The following LPP variants were observed in gnomAD, a reference collection of about 807,000 sequenced individuals.
LPP encodes the protein LIM domain containing preferred translocation partner in lipoma, also known as lipoma-preferred partner.
In LPP, 38 loss-of-function variants were observed where a neutral mutation model predicts 60.4. The observed-to-expected ratio is 0.63, with a 90% CI of 0.49 to 0.83. The LOEUF is 0.83. LPP is among the 40% of genes least tolerant of loss of function. The probability of loss-of-function intolerance (pLI) is 0.00; values close to 1 mark genes in which losing one functional copy is unlikely to be tolerated. For missense variants in LPP, 902 were observed against 783.6 expected (o/e 1.15, Z -1.80); for synonymous variants, 328 against 290.8 (o/e 1.13, Z -1.30).
chr3:188,240,309 T>C (rs141226007), intron 2 of LPP: 4 of 167,514 alleles, frequency 2.4e-5, no homozygotes, highest in Middle Eastern at 5.2e-3. Context: ...AACAAGGTTG[T>C]TGACTGCATA....
At position 188,609,826 on chromosome 3, in the gene LPP, G is replaced by A. The variant is rs139912286; in HGVS notation, c.1095G>A (p.Ala365=). The A allele has an allele frequency of 1.8e-4, 291 of 1,610,980 alleles. No individual in the cohort carries two copies. Among genetic ancestry groups the A allele is most frequent in the African/African-American group, 5.6e-4 (42 of 74,774 alleles). Residue 365 remains alanine, a synonymous_variant, in exon 7 of 12, where the codon GCG becomes GCA. Coordinates refer to ENST00000617246, the MANE Select transcript of LPP (RefSeq NM_001375462.1). This position sits in a 1 kb window ranked among gnomAD's most constrained non-coding sequence, Gnocchi z 6.9. ...YITDPVSAPC[A]PPLQPKGGHS... is the part of the protein sequence containing the mutation. ...CAGATCCTGTTTCAGCCCCCTGTGC[G>A]CCACCATTGCAGCCAAAGGTAAGAA...
intron 8 of LPP, among the ~76,000 whole-genome samples, chr3:188,756,003 T>A (rs1730102461): frequency 6.6e-6 from 1 of 152,148 alleles, no homozygotes; most frequent in African/African-American, 2.4e-5. Flanking sequence ...AGCTCCATTA[T>A]TAAGACTTCT....
intron 5 of LPP, among the ~76,000 whole-genome samples, chr3:188,511,151 GCCTC>G (rs1038728883): frequency 1.2e-4 from 12 of 99,762 alleles, no homozygotes; most frequent in South Asian, 4.1e-4. Context: ...CTTCCTACCT[GCCTC>G]CCTCCCTCCC....
chr3:188,387,647 A>G (rs958147208), intron 3 of LPP, among the ~76,000 whole-genome samples: 1 of 150,294 alleles, frequency 6.7e-6, no homozygotes, highest in East Asian at 2.0e-4. Flanking sequence ...GCTCACTGCA[A>G]CCTCCGCCTC....
intron 9 of LPP, among the ~76,000 whole-genome samples, chr3:188,834,184 T>C (rs1310462088): frequency 6.6e-6 from 1 of 152,190 alleles, no homozygotes; most frequent in Non-Finnish European, 1.5e-5. Flanking sequence ...TCTATTCTCC[T>C]GCCAGCATGA....
In LPP at chr3:188,247,777, C is replaced by T. The variant is rs545510240; in HGVS notation, c.-67+22250C>T. On this transcript the variant is annotated intron_variant, in intron 2 of 11. Coordinates refer to ENST00000617246, the MANE Select transcript of LPP (RefSeq NM_001375462.1). ...TTGCGCCATTGCACTCCAGGCTGGG[C>T]GACAGAGTGAGACTCCATCTCAGAA... Among the ~76,000 whole-genome samples the T allele has an allele frequency of 2.7e-4, 39 of 142,352 alleles. No homozygotes were observed. In the South Asian group the frequency reaches 6.8e-3, roughly 25 times the overall value. 93.4% of individuals were successfully genotyped at this position (142,352 alleles called of 152,430 possible). A position where few individuals can be genotyped will look rare whatever the true frequency, so the allele number is the denominator to read the frequency against.
At chr3:188,749,888 G>A (rs930317704) in intron 8 of LPP, among the ~76,000 whole-genome samples, 6 of 152,186 alleles carry the variant, frequency 3.9e-5, no homozygotes, top group Non-Finnish European at 4.4e-5. Flanking sequence ...GGCAGGTACT[G>A]TATGGACAAA....
chr3:188,401,748 G>T (rs1782293208), intron 3 of LPP, among the ~76,000 whole-genome samples: 1 of 152,188 alleles, frequency 6.6e-6, no homozygotes. Context: ...GGATTTGCGA[G>T]TTTAGTTTGG....
chr3:188,760,408 G>GT (rs1731805441), intron 9 of LPP, 126 bp downstream of exon 9: 14 of 742,216 alleles, frequency 1.9e-5, no homozygotes, highest in South Asian at 3.3e-5. Context: ...TGTGTGTGTG[G>GT]GGTGTGTGTG....
At chr3:188,412,608 T>G (rs903719188) in intron 4 of LPP, among the ~76,000 whole-genome samples, 1 of 152,196 alleles carries the variant, frequency 6.6e-6, no homozygotes, top group Non-Finnish European at 1.5e-5. Context: ...CTTACGAATT[T>G]TAAATGCTTT....
intron 5 of LPP, among the ~76,000 whole-genome samples, chr3:188,512,732 G>C (rs1234244773): frequency 6.6e-6 from 1 of 151,918 alleles, no homozygotes; most frequent in African/African-American, 2.4e-5. Flanking sequence ...GGTCAAACAA[G>C]AGTTCAAGAA....
chr3:188,843,204 C>T (rs879890655), intron 9 of LPP, among the ~76,000 whole-genome samples: 1 of 152,112 alleles, frequency 6.6e-6, no homozygotes. Context: ...GTTCTAAGGG[C>T]CTCAGGGTAT....
At chr3:188,666,275 A>G (rs1855781054) in intron 7 of LPP, among the ~76,000 whole-genome samples, 1 of 152,192 alleles carries the variant, frequency 6.6e-6, no homozygotes, top group African/African-American at 2.4e-5. Flanking sequence ...AGTCTTCACC[A>G]TTTCCTAACT....
intron 4 of LPP, among the ~76,000 whole-genome samples, chr3:188,453,189 C>T (rs1288564815): frequency 1.3e-5 from 2 of 152,080 alleles, no homozygotes; most frequent in Non-Finnish European, 2.9e-5. Context: ...AATCTACTTC[C>T]CCATCTTTGC....
At chr3:188,709,789 CTGTTGGAGA>C (rs1217764064) in intron 8 of LPP, 1 of 152,218 alleles carries the variant, frequency 6.6e-6, no homozygotes, top group African/African-American at 2.4e-5. Flanking sequence ...TCCTCCCAAT[CTGTTGGAGA>C]CCAGTATTTT....
intron 2 of LPP, among the ~76,000 whole-genome samples, chr3:188,287,327 G>T (rs1239128482): frequency 1.3e-5 from 2 of 152,224 alleles, no homozygotes; most frequent in Admixed American, 6.5e-5. Flanking sequence ...GCCCATGGAG[G>T]CTTCTCATAG....
intron 9 of LPP, among the ~76,000 whole-genome samples, chr3:188,785,428 TATATTCCATC>T (rs1741283983): frequency 1.0e-4 from 2 of 19,720 alleles, no homozygotes; most frequent in East Asian, 5.6e-3. Flanking sequence ...CCATCATATA[TATATTCCATC>T]ATATATATAT....
At chr3:188,741,831 C>T (rs1256867622) in intron 8 of LPP, among the ~76,000 whole-genome samples, 1 of 151,766 alleles carries the variant, frequency 6.6e-6, no homozygotes. Context: ...TTTTAAAAGA[C>T]ACCATAACAA....
intron 8 of LPP, among the ~76,000 whole-genome samples, chr3:188,729,522 A>C (rs1359362270): frequency 6.6e-6 from 1 of 152,222 alleles, no homozygotes; most frequent in East Asian, 1.9e-4. Context: ...ATGGGAATAG[A>C]TTTAAAGTGC....
Sources: allele counts gnomAD v4.1 joint callset (sites outside exome capture counted in the v4.1 genomes callset), GRCh38; gene constraint gnomAD v4.1.1; non-coding constraint Gnocchi (gnomAD v3.1); transcripts MANE v1.5; gene names NCBI Gene and HGNC (gene_info 2026-07-23, HGNC 2026-07-21).